CRMP1: variants seen among roughly 807,000 people sequenced by gnomAD.
CRMP1 encodes the protein dihydropyrimidinase-related protein 1.
Under a neutral mutation model 68.3 loss-of-function variants are expected in CRMP1, and 19 were observed. That is an observed-to-expected ratio of 0.28 (90% CI 0.19 to 0.41). The LOEUF (loss-of-function observed/expected upper bound fraction) is 0.41, where lower values mean the gene tolerates loss of function less well. Among genes scored for constraint, CRMP1 ranks in the 10% least tolerant of loss-of-function variants. The pLI is 1.00. For missense variants in CRMP1, 791 were observed against 967.4 expected, an observed-to-expected ratio of 0.82 and a Z score of 2.42; for synonymous variants, 439 against 399.6, an observed-to-expected ratio of 1.10 and a Z score of -1.18.
Position 5,846,757 on chromosome 4 carries a change from ATTTTTTTTTTTTTTTT to A in CRMP1, c.963+2619_963+2634del, listed in dbSNP as rs71171490. Reference sequence around the variant, plus strand: ...AGGCACCCGCCACCATGCCCGGCTAATTTTTTTTTTTTTTTTTTTTTTTTTTTTTTTTTTTTTAGTA... The same window carrying A: ...AGGCACCCGCCACCATGCCCGGCTAATTTTTTTTTTTTTTTTTTTTTAGTA... On this transcript the variant is annotated intron_variant, in intron 6 of 13. Coordinates refer to ENST00000324989, the MANE Select transcript of CRMP1 (RefSeq NM_001014809.3). Among the ~76,000 whole-genome samples the A allele has an allele frequency of 1.3e-4, 7 of 53,710 alleles. 1 individual carries two copies. Among genetic ancestry groups the A allele is most frequent in the African/African-American group, 7.6e-4 (7 of 9,154 alleles). The allele number at this position is 53,710 out of a possible 152,430, so 35.2% of individuals were successfully genotyped here. A position where few individuals can be genotyped will look rare whatever the true frequency, so the allele number is the denominator to read the frequency against.
chr4:5,867,961 T>G (rs1714113826), intron 1 of CRMP1, among the ~76,000 whole-genome samples: 1 of 152,170 alleles, frequency 6.6e-6, no homozygotes, highest in African/African-American at 2.4e-5. Flanking sequence ...TAAACATTCA[T>G]GTATTCAGAT....
chr4:5,845,182 C>T (rs1712098513), intron 6 of CRMP1, among the ~76,000 whole-genome samples: 1 of 152,296 alleles, frequency 6.6e-6, no homozygotes, highest in South Asian at 2.1e-4. Flanking sequence ...AAGATGACTC[C>T]CAGTGATCCC....
chr4:5,836,639 T>C, intron 10 of CRMP1, 126 bp downstream of exon 10: 2 of 1,390,174 alleles, frequency 1.4e-6, no homozygotes. Flanking sequence ...TGCGCCCTCC[T>C]AGTATATCTG....
chr4:5,826,496 G>T (rs901946228), intron 12 of CRMP1: 1 of 149,038 alleles, frequency 6.7e-6, no homozygotes. Flanking sequence ...GAGGAAGGAG[G>T]GCAATGGAGC....
At chr4:5,876,112 C>G (rs916730577) in intron 1 of CRMP1, among the ~76,000 whole-genome samples, 12 of 151,086 alleles carry the variant, frequency 7.9e-5, no homozygotes, top group African/African-American at 2.9e-4. Context: ...GAGATCACGT[C>G]ACTGCACTCT....
chr4:5,868,547 TG>T (rs2152470674), intron 1 of CRMP1, among the ~76,000 whole-genome samples: 1 of 152,086 alleles, frequency 6.6e-6, no homozygotes, highest in South Asian at 2.1e-4. Flanking sequence ...ATGATCTGCC[TG>T]CCTTGGCCTC....
Position 5,888,764 on chromosome 4 carries a change from C to A in CRMP1, c.381+3825G>T, listed in dbSNP as rs939674816. ...AAAGAAAAAGACGGCGCGGTCAGGG[C>A]CCGCGGGCGGCGCCACAGGTGTGTG... On this transcript the variant is annotated intron_variant, in intron 1 of 13. Transcript: ENST00000324989. This position sits in a 1 kb window ranked among gnomAD's most constrained non-coding sequence, Gnocchi z 6.4. Among the ~76,000 whole-genome samples, 4 of 151,732 alleles carry A rather than the reference C, an allele frequency of 2.6e-5. No homozygotes were observed. The highest frequency in any genetic ancestry group is 7.3e-5 in the African/African-American group (3 of 41,322).
At chr4:5,884,778 G>A (rs993510160) in intron 1 of CRMP1, among the ~76,000 whole-genome samples, 2 of 151,898 alleles carry the variant, frequency 1.3e-5, no homozygotes, top group Non-Finnish European at 2.9e-5. Context: ...ATAATACCCC[G>A]TCATCATCAT....
In CRMP1 at chr4:5,891,113, G is replaced by A. The variant is rs1222204153; in HGVS notation, c.381+1476C>T. Among the ~76,000 whole-genome samples, 1 of 151,380 alleles carries A rather than the reference G, an allele frequency of 6.6e-6. No homozygotes were observed. The highest frequency in any genetic ancestry group is 1.5e-5 in the Non-Finnish European group (1 of 67,856). On this transcript the variant is annotated intron_variant, in intron 1 of 13. Transcript: ENST00000324989. This position sits in a 1 kb window ranked among gnomAD's most constrained non-coding sequence, Gnocchi z 5.2. ...CAGGGGGAGATACAGAAGGGGTGGG[G>A]GAAGAGGAAGCTGGACTCTCGCACC... is the stretch of plus-strand genomic sequence containing the variant.
At chr4:5,862,909 G>C (rs1283102900) in intron 2 of CRMP1, among the ~76,000 whole-genome samples, 2 of 152,236 alleles carry the variant, frequency 1.3e-5, no homozygotes, top group South Asian at 2.1e-4. Context: ...GGGCTCAAGC[G>C]ATCCTCCCGC....
chr4:5,835,774 G>A (rs1287651554), intron 11 of CRMP1, 141 bp downstream of exon 11: 3 of 1,008,306 alleles, frequency 3.0e-6, no homozygotes, highest in South Asian at 3.7e-5. Flanking sequence ...CCAACTGGAG[G>A]AGAAATGGGA....
At chr4:5,826,230 G>A (rs1352099402) in intron 12 of CRMP1, 1 of 140,078 alleles carries the variant, frequency 7.1e-6, no homozygotes, top group Non-Finnish European at 1.5e-5. Flanking sequence ...CCCCCGGAAA[G>A]GACCCCTGAG....
chr4:5,866,335 T>C lies in CRMP1; in HGVS notation c.470+333A>G, dbSNP rs555808615. On this transcript the variant is annotated intron_variant, in intron 2 of 13. Transcript: ENST00000324989. The surrounding 1 kb of genome is among the most constrained non-coding windows in gnomAD (Gnocchi z 5.9). ...GCCTTGACCCTAACTCACCCCGTCA[T>C]ATGGGGCCAGGTACCCAGACTCATT... Among the ~76,000 whole-genome samples, 11 of 152,324 alleles carry C rather than the reference T, an allele frequency of 7.2e-5. No homozygotes were observed. Among genetic ancestry groups the C allele is most frequent in the Non-Finnish European group, 1.6e-4 (11 of 68,026 alleles).
rs1427481492 is a variant in CRMP1 at position 5,883,305 on chromosome 4, T to C, written c.381+9284A>G. Among the ~76,000 whole-genome samples the C allele has an allele frequency of 1.3e-5, 2 of 151,746 alleles. No homozygotes were observed. The highest frequency in any genetic ancestry group is 2.4e-5 in the African/African-American group (1 of 41,290). On this transcript the variant is annotated intron_variant, in intron 1 of 13. Transcript: ENST00000324989. The surrounding 1 kb of genome is among the most constrained non-coding windows in gnomAD (Gnocchi z 4.5). Reference sequence around the variant, plus strand: ...CTGTCTTTCTATCTTTCTCTTTCTTTCTTCTTTTTTGTTTGAGAGAGTCTC... The same window carrying C: ...CTGTCTTTCTATCTTTCTCTTTCTTCCTTCTTTTTTGTTTGAGAGAGTCTC...
intron 8 of CRMP1, among the ~76,000 whole-genome samples, chr4:5,840,099 T>C (rs1711596449): frequency 1.3e-5 from 2 of 152,148 alleles, no homozygotes. Flanking sequence ...AAACACTGGC[T>C]GGGGATTGAG....
rs973997311 is a variant in CRMP1 at position 5,846,751 on chromosome 4, C to T, written c.963+2641G>A. On this transcript the variant is annotated intron_variant, in intron 6 of 13. Coordinates refer to ENST00000324989, the MANE Select transcript of CRMP1 (RefSeq NM_001014809.3). ...GATTACAGGCACCCGCCACCATGCCCGGCTAATTTTTTTTTTTTTTTTTTT... is the reference window on the plus strand; with the variant it reads ...GATTACAGGCACCCGCCACCATGCCTGGCTAATTTTTTTTTTTTTTTTTTT... Among the ~76,000 whole-genome samples, 41 of 143,794 alleles carry T rather than the reference C, an allele frequency of 2.9e-4. 1 individual carries two copies. The highest frequency in any genetic ancestry group is 1.0e-3 in the African/African-American group (38 of 37,352). The allele number at this position is 143,794 out of a possible 152,430, so 94.3% of individuals were successfully genotyped here.
At chr4:5,863,401 G>C (rs755297540) in intron 2 of CRMP1, among the ~76,000 whole-genome samples, 2 of 152,128 alleles carry the variant, frequency 1.3e-5, no homozygotes, top group African/African-American at 2.4e-5. Flanking sequence ...TCAAGCCCAG[G>C]TCTCCCCAAG....
In CRMP1 at chr4:5,858,956, A is replaced by T. The variant is rs367627660; in HGVS notation, c.655+2070T>A. 2.5e-4 allele frequency among the ~76,000 whole-genome samples: 38 copies of T among 152,240 alleles called. No individual in the cohort carries two copies. In the East Asian group the frequency reaches 3.3e-3, roughly 13 times the overall value. On this transcript the variant is annotated intron_variant, in intron 3 of 13. Coordinates refer to ENST00000324989, the MANE Select transcript of CRMP1 (RefSeq NM_001014809.3). This position sits in a 1 kb window ranked among gnomAD's most constrained non-coding sequence, Gnocchi z 5.5. The stretch of plus-strand genomic sequence containing the variant: ...TTTCTCTGCCCTCTTCTCCCGGTTA[A>T]TTCCAACTCATCCTTCAGATCCCTG...
At chr4:5,886,729 C>T (rs1381891062) in intron 1 of CRMP1, among the ~76,000 whole-genome samples, 1 of 152,250 alleles carries the variant, frequency 6.6e-6, no homozygotes, top group Non-Finnish European at 1.5e-5. Flanking sequence ...GCCTCAGTTC[C>T]CTTGGGAGGC....
Sources: gnomAD v4.1 joint callset for allele counts (sites outside exome capture counted in the v4.1 genomes callset) on GRCh38, gnomAD v4.1.1 for gene constraint, Gnocchi (gnomAD v3.1) non-coding constraint, MANE v1.5 for transcripts, NCBI Gene and HGNC (gene_info 2026-07-23, HGNC 2026-07-21) for gene names.